ANKIB1: variants seen among roughly 807,000 people sequenced by gnomAD.
The protein encoded by ANKIB1 is ankyrin repeat and IBR domain-containing protein 1.
In ANKIB1, 43 loss-of-function variants were observed where a neutral mutation model predicts 122.1. The ratio of observed to expected loss-of-function variants is 0.35; its 90% CI spans 0.28 to 0.45. The LOEUF (loss-of-function observed/expected upper bound fraction) is 0.45, where lower values mean the gene tolerates loss of function less well. Among genes scored for constraint, ANKIB1 ranks in the 20% least tolerant of loss-of-function variants. The pLI is 1.00. For synonymous variants in ANKIB1, 390 were observed against 442.0 expected (o/e 0.88, Z 1.48); for missense variants, 992 against 1,329.5 (o/e 0.75, Z 3.95).
At chr7:92,307,698 G>C in intron 3 of ANKIB1, 42 bp downstream of exon 3, 17 of 1,335,320 alleles carry the variant, frequency 1.3e-5, no homozygotes, top group Non-Finnish European at 1.6e-5. Context: ...TGTAAAATTT[G>C]TATCCAGGTG....
At chr7:92,346,667 A>C (rs536423289) in intron 7 of ANKIB1, among the ~76,000 whole-genome samples, 12 of 152,300 alleles carry the variant, frequency 7.9e-5, no homozygotes, top group African/African-American at 2.9e-4. Context: ...TCCCAGGTAC[A>C]ACTTTATCTT....
chr7:92,380,884 A>G (rs190895684), intron 11 of ANKIB1, among the ~76,000 whole-genome samples: 1 of 152,200 alleles, frequency 6.6e-6, no homozygotes, highest in Non-Finnish European at 1.5e-5. Context: ...CAGCAACGGA[A>G]CAAAGCAGGA....
intron 4 of ANKIB1, among the ~76,000 whole-genome samples, chr7:92,325,120 C>A (rs1334386009): frequency 6.6e-6 from 1 of 152,140 alleles, no homozygotes; most frequent in Non-Finnish European, 1.5e-5. Flanking sequence ...AGGTTGGGGT[C>A]AGATTCTGTA....
chr7:92,368,166 T>C (rs528663438), intron 10 of ANKIB1, among the ~76,000 whole-genome samples: 7 of 152,088 alleles, frequency 4.6e-5, no homozygotes, highest in Admixed American at 4.6e-4. Flanking sequence ...TAAAAAAAAT[T>C]AAAAATAAAA....
At chr7:92,358,593 T>TG (rs1803875810) in intron 9 of ANKIB1, among the ~76,000 whole-genome samples, 4 of 5,366 alleles carry the variant, frequency 7.5e-4, no homozygotes, top group Admixed American at 2.6e-3. Context: ...CCCCCATGAT[T>TG]CTTTTTTTTT....
Position 92,398,676 on chromosome 7 carries a change from C to G in ANKIB1, c.2997C>G (p.Ser999=). The G allele has an allele frequency of 6.2e-7, 1 of 1,613,866 alleles. No homozygotes were observed. Among genetic ancestry groups the G allele is most frequent in the South Asian group, 1.1e-5 (1 of 91,072 alleles). ...CAACTACAGAAATCAGTGCAGATTCCCAGCTCCCCTGTATCAAAGATGGGT... is the reference window on the plus strand; with the variant it reads ...CAACTACAGAAATCAGTGCAGATTCGCAGCTCCCCTGTATCAAAGATGGGT... ...PPATTEISAD[S]QLPCIKDGSE... Residue 999 remains serine, a synonymous_variant, in exon 20 of 20, where the codon TCC becomes TCG. Transcript: ENST00000265742.
chr7:92,333,275 C>A (rs547135367), intron 5 of ANKIB1, among the ~76,000 whole-genome samples: 5 of 152,092 alleles, frequency 3.3e-5, no homozygotes, highest in Non-Finnish European at 5.9e-5. Flanking sequence ...TTTTAAAATC[C>A]TGCATGACTG....
chr7:92,381,763 A>G (rs1272934875), intron 11 of ANKIB1, among the ~76,000 whole-genome samples: 1 of 152,176 alleles, frequency 6.6e-6, no homozygotes, highest in African/African-American at 2.4e-5. Flanking sequence ...GAAAGGAACA[A>G]CTGGTACCAG....
chr7:92,386,735 A>AT (rs769120230), intron 12 of ANKIB1, 92 bp downstream of exon 12: 192 of 1,227,250 alleles, frequency 1.6e-4, no homozygotes, highest in Non-Finnish European at 2.0e-4. Flanking sequence ...TCATCTTAAT[A>AT]AAGTATTAAA....
chr7:92,390,019 T>C lies in ANKIB1; in HGVS notation c.1955T>C (p.Val652Ala). Reference sequence around the variant, plus strand: ...ACTTTCATTGAAGATGCAGTTCATGTGCTCTTAAAAACTCGGCGCATTCTC... The same window carrying C: ...ACTTTCATTGAAGATGCAGTTCATGCGCTCTTAAAAACTCGGCGCATTCTC... ...DTTFIEDAVH[V>A]LLKTRRILKC... is the part of the protein sequence containing the mutation. Residue 652 changes from valine to alanine, a missense_variant, in exon 15 of 20, where the codon GTG (valine) becomes GCG (alanine). Transcript: ENST00000265742. 8.7e-6 allele frequency: 14 copies of C among 1,607,460 alleles called. No homozygotes were observed. Among genetic ancestry groups the C allele is most frequent in the Non-Finnish European group, 1.1e-5 (13 of 1,177,872 alleles).
intron 2 of ANKIB1, among the ~76,000 whole-genome samples, chr7:92,302,285 T>C (rs1230839576): frequency 6.6e-6 from 1 of 152,208 alleles, no homozygotes; most frequent in Non-Finnish European, 1.5e-5. Context: ...ATATTCCTAG[T>C]CACGGACCTT....
Position 92,362,607 on chromosome 7 carries a change from T to C in ANKIB1, c.1486+334T>C, listed in dbSNP as rs145407418. Among the ~76,000 whole-genome samples, 170 of 152,314 alleles carry C rather than the reference T, an allele frequency of 1.1e-3. 4 individuals carry two copies. The East Asian group carries it at 0.029, about 26-fold the overall frequency. On this transcript the variant is annotated intron_variant, in intron 10 of 19. Transcript: ENST00000265742. Reference sequence around the variant, plus strand: ...CCAATTGTTCTGTACTTTGTGGAAGTAGTATATGATCTGTAATGAGAGTGA... The same window carrying C: ...CCAATTGTTCTGTACTTTGTGGAAGCAGTATATGATCTGTAATGAGAGTGA...
In ANKIB1 at chr7:92,390,132, T is replaced by C. The variant is rs774970838; in HGVS notation, c.2052+16T>C. 6.5e-7 allele frequency: 1 copy of C among 1,538,486 alleles called. No individual in the cohort carries two copies. The highest frequency in any genetic ancestry group is 8.7e-7 in the Non-Finnish European group (1 of 1,145,018). On this transcript the variant is annotated intron_variant, in intron 15 of 19. Transcript: ENST00000265742. ...ACTAATGCAAGTAAGATTTTTTTAATTACATTTAAATGGCAGCAGTTATTA... is the reference window on the plus strand; with the variant it reads ...ACTAATGCAAGTAAGATTTTTTTAACTACATTTAAATGGCAGCAGTTATTA...
intron 11 of ANKIB1, among the ~76,000 whole-genome samples, chr7:92,372,216 G>A (rs1804283116): frequency 6.6e-6 from 1 of 151,542 alleles, no homozygotes; most frequent in African/African-American, 2.4e-5. Context: ...AAATACTTAG[G>A]GAAAAAAATT....
chr7:92,379,015 G>A (rs911437406), intron 11 of ANKIB1, among the ~76,000 whole-genome samples: 15 of 152,200 alleles, frequency 9.9e-5, no homozygotes, highest in Admixed American at 2.6e-4. Context: ...GGTCACAAAA[G>A]ATGACAAACT....
intron 11 of ANKIB1, among the ~76,000 whole-genome samples, chr7:92,376,930 A>C (rs1457113545): frequency 1.3e-5 from 2 of 152,120 alleles, no homozygotes; most frequent in Admixed American, 6.6e-5. Flanking sequence ...GGCTCATTTG[A>C]TCCTCCATCC....
chr7:92,343,745 A>G (rs1803480583), intron 6 of ANKIB1, among the ~76,000 whole-genome samples: 1 of 152,236 alleles, frequency 6.6e-6, no homozygotes, highest in African/African-American at 2.4e-5. Flanking sequence ...CCGAAAATAC[A>G]AAAACATTTT....
chr7:92,248,859 A>T, intron 1 of ANKIB1, among the ~76,000 whole-genome samples: 1 of 148,330 alleles, frequency 6.7e-6, no homozygotes, highest in African/African-American at 2.5e-5. Context: ...TTTCTTTTCC[A>T]GATACTTTTT....
At chr7:92,264,673 A>C (rs908396524) in intron 1 of ANKIB1, among the ~76,000 whole-genome samples, 1 of 151,850 alleles carries the variant, frequency 6.6e-6, no homozygotes, top group African/African-American at 2.4e-5. Flanking sequence ...TGGCCTCCCA[A>C]AGTGCTGGGA....
Sources: gnomAD v4.1 joint callset for allele counts (sites outside exome capture counted in the v4.1 genomes callset) on GRCh38, gnomAD v4.1.1 for gene constraint, MANE v1.5 for transcripts, NCBI Gene and HGNC (gene_info 2026-07-23, HGNC 2026-07-21) for gene names.